Variants in SRGAP3 observed in about 807,000 individuals in gnomAD.
SRGAP3 encodes the protein SLIT-ROBO Rho GTPase-activating protein 3.
SRGAP3 carries 39 observed loss-of-function variants against 121.1 expected under a neutral mutation model. The observed-to-expected ratio is 0.32, with a 90% CI of 0.25 to 0.42. The LOEUF (loss-of-function observed/expected upper bound fraction) is 0.42. Ranked by LOEUF, SRGAP3 falls within the 10% of genes least tolerant of loss-of-function variation. The pLI, the probability that SRGAP3 is intolerant of heterozygous loss-of-function variation, is 1.00. For missense variants in SRGAP3, 1,213 were observed against 1,470.6 expected (o/e 0.82, Z 2.86); for synonymous variants, 601 against 570.0 (o/e 1.05, Z -0.77).
At chr3:9,134,071 A>T (rs116297823) in intron 1 of SRGAP3, among the ~76,000 whole-genome samples, 5,922 of 152,300 alleles carry the variant, frequency 0.039, 166 homozygotes, top group Non-Finnish European at 0.061. Flanking sequence ...AACAGGTCTG[A>T]CCCATTAGGA....
chr3:9,136,403 C>T (rs947335216), intron 1 of SRGAP3, among the ~76,000 whole-genome samples: 9 of 146,678 alleles, frequency 6.1e-5, no homozygotes, highest in Admixed American at 2.0e-4. Flanking sequence ...GACCCCCCCC[C>T]CCCCCGACCG....
chr3:8,984,365 A>G lies in SRGAP3; in HGVS notation c.*1154T>C. 1 of 230,876 alleles carries G rather than the reference A, an allele frequency of 4.3e-6. No individual in the cohort carries two copies. Among genetic ancestry groups the G allele is most frequent in the Non-Finnish European group, 8.6e-6 (1 of 116,540 alleles). The allele number at this position is 230,876 out of a possible 1,614,324, so 14.3% of individuals were successfully genotyped here. A position where few individuals can be genotyped will look rare whatever the true frequency, so the allele number is the denominator to read the frequency against. ...TGCATCACAGCCTGATTTAAAATGA[A>G]AACGATGTGACTCAAAGCCTCCTTG... On this transcript the variant is annotated 3_prime_UTR_variant, in exon 22 of 22. Transcript: ENST00000383836.
intron 1 of SRGAP3, among the ~76,000 whole-genome samples, chr3:9,139,878 G>T (rs762003621): frequency 6.6e-6 from 1 of 152,148 alleles, no homozygotes; most frequent in African/African-American, 2.4e-5. Flanking sequence ...CATGAAGCAA[G>T]ATTTGCATGA....
intron 14 of SRGAP3, among the ~76,000 whole-genome samples, chr3:9,018,731 T>C (rs954458587): frequency 2.0e-5 from 3 of 152,232 alleles, no homozygotes; most frequent in African/African-American, 7.2e-5. Context: ...TTCTTCGTAT[T>C]TTAGGTAGTA....
chr3:9,165,931 G>A (rs2664107), intron 1 of SRGAP3, among the ~76,000 whole-genome samples: 75,701 of 152,050 alleles, frequency 0.5, 22,554 homozygotes, highest in Non-Finnish European at 0.67. Context: ...TCTTATATAT[G>A]TGATTATCTG....
At chr3:9,263,836 T>C (rs1186595064) in intron 3 of SRGAP3, among the ~76,000 whole-genome samples, 3 of 151,906 alleles carry the variant, frequency 2.0e-5, no homozygotes, top group Non-Finnish European at 4.4e-5. Flanking sequence ...TTCCAAACAA[T>C]AGAAAAAGAG....
At chr3:9,083,786 T>C (rs1947341174) in intron 3 of SRGAP3, among the ~76,000 whole-genome samples, 1 of 152,152 alleles carries the variant, frequency 6.6e-6, no homozygotes. Flanking sequence ...CCTTCCCTTC[T>C]TGGTCCCTGC....
At chr3:9,306,212 T>C (rs1423879643) in intron 3 of SRGAP3, among the ~76,000 whole-genome samples, 1 of 152,258 alleles carries the variant, frequency 6.6e-6, no homozygotes, top group Non-Finnish European at 1.5e-5. Context: ...AAATGTCTTC[T>C]TTTGAGAAGC....
At chr3:9,054,529 A>C (rs575393129) in intron 8 of SRGAP3, among the ~76,000 whole-genome samples, 24 of 152,310 alleles carry the variant, frequency 1.6e-4, no homozygotes, top group Non-Finnish European at 2.9e-4. Context: ...TACAACTTAC[A>C]TGTATTGACT....
At chr3:9,351,620 G>A (rs561596160) in intron 1 of SRGAP3, among the ~76,000 whole-genome samples, 2 of 152,244 alleles carry the variant, frequency 1.3e-5, no homozygotes, top group East Asian at 1.9e-4. Flanking sequence ...TGCATGGACC[G>A]CATATACAAA....
intron 3 of SRGAP3, among the ~76,000 whole-genome samples, chr3:9,255,393 T>G (rs1008751511): frequency 1.8e-4 from 28 of 152,246 alleles, no homozygotes; most frequent in Non-Finnish European, 5.9e-5. Context: ...CTCTCCATTC[T>G]GCCTCTGTAT....
intron 1 of SRGAP3, among the ~76,000 whole-genome samples, chr3:9,145,157 G>A (rs764735039): frequency 1.2e-4 from 19 of 152,026 alleles, no homozygotes; most frequent in Non-Finnish European, 2.5e-4. Flanking sequence ...GTGCAGTGGC[G>A]TGATCTTGGC....
chr3:9,020,857 C>T (rs1368760648), intron 14 of SRGAP3, among the ~76,000 whole-genome samples: 2 of 152,248 alleles, frequency 1.3e-5, no homozygotes, highest in African/African-American at 4.8e-5. Context: ...CATGTTCACA[C>T]TTAGCTAGCT....
At chr3:9,195,771 C>A (rs188707801) in intron 1 of SRGAP3, among the ~76,000 whole-genome samples, 1 of 151,960 alleles carries the variant, frequency 6.6e-6, no homozygotes, top group Non-Finnish European at 1.5e-5. Flanking sequence ...GCCCAAGCAA[C>A]ACAGCAAGAC....
rs182873468 is a variant in SRGAP3 at position 9,226,482 on chromosome 3, G to C, written c.67+22403C>G. ...TCAAGGCTTAGGAGACTGCCTGCCT[G>C]TTCCTTCAAGACAGCTCTAATTGTT... On this transcript the variant is annotated intron_variant, in intron 1 of 21. Transcript: ENST00000383836. 2.4e-4 allele frequency among the ~76,000 whole-genome samples: 36 copies of C among 152,286 alleles called. No homozygotes were observed. The East Asian group carries it at 6.8e-3, about 29-fold the overall frequency.
intron 4 of SRGAP3, among the ~76,000 whole-genome samples, chr3:9,070,331 A>T (rs575617631): frequency 2.1e-5 from 3 of 140,188 alleles, no homozygotes; most frequent in African/African-American, 7.3e-5. Context: ...CCCTGGGCAC[A>T]GTGGCTCACT....
At chr3:9,152,623 G>A (rs1440785892) in intron 1 of SRGAP3, among the ~76,000 whole-genome samples, 1 of 152,218 alleles carries the variant, frequency 6.6e-6, no homozygotes, top group Non-Finnish European at 1.5e-5. Context: ...GAGACGAGCA[G>A]TGTGGCCTCC....
intron 10 of SRGAP3, among the ~76,000 whole-genome samples, chr3:9,040,133 G>A (rs941561167): frequency 5.3e-5 from 8 of 152,116 alleles, no homozygotes; most frequent in East Asian, 1.9e-4. Context: ...TTACCTGGAC[G>A]ACTTTCTTTT....
At chr3:9,114,932 G>A (rs980421065) in intron 2 of SRGAP3, among the ~76,000 whole-genome samples, 1 of 152,196 alleles carries the variant, frequency 6.6e-6, no homozygotes, top group Non-Finnish European at 1.5e-5. Flanking sequence ...CACCTTCATG[G>A]GAAATGTGGT....
Sources: gnomAD v4.1 joint callset for allele counts (sites outside exome capture counted in the v4.1 genomes callset) on GRCh38, gnomAD v4.1.1 for gene constraint, MANE v1.5 for transcripts, NCBI Gene and HGNC (gene_info 2026-07-23, HGNC 2026-07-21) for gene names.